Variants in ANKS1B observed in about 807,000 individuals in gnomAD.
ANKS1B encodes ankyrin repeat and sterile alpha motif domain containing 1B.
In ANKS1B, 36 loss-of-function variants were observed where a neutral mutation model predicts 148.3. The observed-to-expected ratio is 0.24, with a 90% CI of 0.19 to 0.32. The LOEUF is 0.32. Ranked by LOEUF, ANKS1B falls within the 10% of genes least tolerant of loss-of-function variation. ANKS1B has a pLI of 1.00. For synonymous variants in ANKS1B, 542 were observed against 560.8 expected, an observed-to-expected ratio of 0.97 and a Z score of 0.47; for missense variants, 1,157 against 1,542.6, an observed-to-expected ratio of 0.75 and a Z score of 4.19.
intron 17 of ANKS1B, among the ~76,000 whole-genome samples, chr12:99,012,500 C>T (rs1568355964): frequency 2.0e-5 from 3 of 152,176 alleles, no homozygotes; most frequent in African/African-American, 7.2e-5. Flanking sequence ...GTACTATTCT[C>T]CCAGCCATGG....
intron 12 of ANKS1B, among the ~76,000 whole-genome samples, chr12:99,381,087 G>A (rs999030653): frequency 3.3e-5 from 5 of 152,190 alleles, no homozygotes; most frequent in African/African-American, 1.2e-4. Context: ...AGCTGGAAGA[G>A]GCAAGAAAGG....
chr12:99,387,743 C>G (rs1162258524), intron 12 of ANKS1B, among the ~76,000 whole-genome samples: 1 of 151,354 alleles, frequency 6.6e-6, no homozygotes, highest in East Asian at 1.9e-4. Flanking sequence ...GTGTGGCCTC[C>G]CCAGCTTCTG....
chr12:99,836,235 A>T (rs2153693304), intron 1 of ANKS1B, among the ~76,000 whole-genome samples: 1 of 151,722 alleles, frequency 6.6e-6, no homozygotes, highest in Non-Finnish European at 1.5e-5. Flanking sequence ...ACACGCACAA[A>T]AGCTTTCTAA....
chr12:99,470,612 T>G (rs1362823675), intron 10 of ANKS1B, among the ~76,000 whole-genome samples: 1 of 152,166 alleles, frequency 6.6e-6, no homozygotes, highest in Non-Finnish European at 1.5e-5. Context: ...GATTACTTCT[T>G]TTATATGCCC....
At chr12:99,213,063 T>C (rs1396767855) in intron 14 of ANKS1B, among the ~76,000 whole-genome samples, 1 of 152,220 alleles carries the variant, frequency 6.6e-6, no homozygotes, top group Non-Finnish European at 1.5e-5. Context: ...CTTCTTTGAA[T>C]TGCTTCACAG....
At chr12:99,329,479 C>A (rs191566467) in intron 12 of ANKS1B, among the ~76,000 whole-genome samples, 36 of 151,890 alleles carry the variant, frequency 2.4e-4, no homozygotes, top group Admixed American at 5.3e-4. Context: ...GGGTAAGGTT[C>A]TACATATATT....
intron 17 of ANKS1B, chr12:98,895,007 G>GCGC (rs1412582163): frequency 2.9e-5 from 24 of 819,416 alleles, no homozygotes; most frequent in Admixed American, 6.4e-5. Flanking sequence ...GGCGGCGGCG[G>GCGC]CGCGTCCTCC....
intron 17 of ANKS1B, among the ~76,000 whole-genome samples, chr12:98,908,626 T>C (rs557987279): frequency 1.3e-5 from 2 of 152,210 alleles, no homozygotes; most frequent in Non-Finnish European, 2.9e-5. Flanking sequence ...CTATATTTGT[T>C]AGGAAGAAAT....
intron 10 of ANKS1B, among the ~76,000 whole-genome samples, chr12:99,500,976 C>T (rs558640590): frequency 2.0e-5 from 3 of 152,044 alleles, no homozygotes; most frequent in African/African-American, 7.2e-5. Context: ...GCTTAATTTC[C>T]AGTTCACTAT....
At chr12:99,107,433 T>A (rs1042169304) in intron 15 of ANKS1B, among the ~76,000 whole-genome samples, 13 of 152,174 alleles carry the variant, frequency 8.5e-5, no homozygotes, top group African/African-American at 3.1e-4. Flanking sequence ...CAAATTAAAA[T>A]GTTAGATAGA....
intron 1 of ANKS1B, among the ~76,000 whole-genome samples, chr12:99,890,380 T>G (rs2093031429): frequency 6.6e-6 from 1 of 152,180 alleles, no homozygotes; most frequent in Non-Finnish European, 1.5e-5. Context: ...GCTTCCCAAA[T>G]GCAACACTGA....
chr12:98,770,033 G>A (rs912130534), intron 25 of ANKS1B, among the ~76,000 whole-genome samples: 3 of 152,200 alleles, frequency 2.0e-5, no homozygotes, highest in Admixed American at 6.5e-5. Context: ...TCTTTTAGCA[G>A]AAAAAGGGTC....
At chr12:99,603,781 A>T (rs1010750574) in intron 9 of ANKS1B, among the ~76,000 whole-genome samples, 2 of 152,160 alleles carry the variant, frequency 1.3e-5, no homozygotes, top group African/African-American at 2.4e-5. Context: ...GAAAATAAAC[A>T]TTTAAAATAA....
intron 10 of ANKS1B, among the ~76,000 whole-genome samples, chr12:99,473,168 G>C (rs2096267476): frequency 6.6e-6 from 1 of 151,826 alleles, no homozygotes; most frequent in South Asian, 2.1e-4. Flanking sequence ...ATAGTCATTA[G>C]ACATATTAAT....
intron 1 of ANKS1B, among the ~76,000 whole-genome samples, chr12:99,869,428 C>T (rs1388286623): frequency 2.6e-5 from 4 of 151,954 alleles, no homozygotes; most frequent in African/African-American, 9.7e-5. Flanking sequence ...AATCCCAGCA[C>T]TTTGGGAGGC....
chr12:99,178,525 C>G (rs1252091684), intron 14 of ANKS1B, among the ~76,000 whole-genome samples: 1 of 152,142 alleles, frequency 6.6e-6, no homozygotes, highest in Non-Finnish European at 1.5e-5. Context: ...GGGCTGGGGG[C>G]CCTTTTTACC....
At chr12:99,475,793 G>C (rs2096310008) in intron 10 of ANKS1B, among the ~76,000 whole-genome samples, 1 of 151,770 alleles carries the variant, frequency 6.6e-6, no homozygotes, top group Non-Finnish European at 1.5e-5. Context: ...AAAAAATGAA[G>C]AGCAATAAAA....
intron 9 of ANKS1B, among the ~76,000 whole-genome samples, chr12:99,627,037 A>C (rs767104412): frequency 9.1e-4 from 139 of 152,150 alleles, no homozygotes; most frequent in Non-Finnish European, 5.6e-4. Context: ...ATAATTTTAC[A>C]TGCTTTCAGA....
At chr12:99,210,762 T>G (rs541767647) in intron 14 of ANKS1B, among the ~76,000 whole-genome samples, 3 of 152,368 alleles carry the variant, frequency 2.0e-5, no homozygotes, top group Admixed American at 2.0e-4. Context: ...TCAATTTTAG[T>G]TGGTTTGGTT....
Sources: allele counts gnomAD v4.1 joint callset (sites outside exome capture counted in the v4.1 genomes callset), GRCh38; gene constraint gnomAD v4.1.1; transcripts MANE v1.5; gene names NCBI Gene and HGNC (gene_info 2026-07-23, HGNC 2026-07-21).